Variants in B4GALNT2 observed in about 807,000 individuals in gnomAD.
The protein encoded by B4GALNT2 is beta-1,4-N-acetyl-galactosaminyltransferase 2 (SID blood group), also known as N-acetylneuraminylgalactosylglucosyl-glucoside beta-1,4-N- acetylgalactosaminyltransferase 2.
In B4GALNT2, 42 loss-of-function variants were observed where a neutral mutation model predicts 51.1. The observed-to-expected ratio is 0.82, with a 90% CI of 0.64 to 1.06. B4GALNT2 has a LOEUF of 1.06. Ranked by LOEUF, B4GALNT2 falls within the 50% of genes least tolerant of loss-of-function variation. The pLI is 0.00. For missense variants in B4GALNT2, 602 were observed against 633.6 expected (o/e 0.95, Z 0.54); for synonymous variants, 253 against 251.7 (o/e 1.01, Z -0.05).
In B4GALNT2 at chr17:49,156,494, G is replaced by T. The variant is rs946779451; in HGVS notation, c.461-72G>T. The T allele has an allele frequency of 7.8e-6, 12 of 1,533,452 alleles. No homozygotes were observed. In the African/African-American group the frequency reaches 1.4e-4, roughly 17 times the overall value. 95.0% of individuals were successfully genotyped at this position (1,533,452 alleles called of 1,614,324 possible). On this transcript the variant is annotated intron_variant, in intron 4 of 10. Coordinates refer to ENST00000393354, the MANE Select transcript of B4GALNT2 (RefSeq NM_001159387.2). ...TCAAGGATGTGCAGGAGTCCATGAG[G>T]TTGGCGAGAGCAGCGGGGAGCTGCG...
Position 49,139,730 on chromosome 17 carries a change from G to A in B4GALNT2, c.15-1517G>A, listed in dbSNP as rs369770495. Among the ~76,000 whole-genome samples, 59 of 152,144 alleles carry A rather than the reference G, an allele frequency of 3.9e-4. No individual in the cohort carries two copies. The East Asian group carries it at 7.3e-3, about 19-fold the overall frequency. The stretch of plus-strand genomic sequence containing the variant: ...AGGGTCTTGTTTTGTTGCCCAGGAC[G>A]GTCCTGAACTCCTGGCTTCAAGTGA... On this transcript the variant is annotated intron_variant, in intron 1 of 10. Transcript: ENST00000393354.
intron 5 of B4GALNT2, among the ~76,000 whole-genome samples, chr17:49,158,604 T>G (rs1046373097): frequency 1.6e-5 from 2 of 121,500 alleles, no homozygotes; most frequent in African/African-American, 6.5e-5. Context: ...TGCACTGCAC[T>G]CCAGCCTGGG....
At chr17:49,126,297 G>C in the B4GALNT2 span, among the ~76,000 whole-genome samples, 1 of 151,946 alleles carries the variant, frequency 6.6e-6, no homozygotes, top group Admixed American at 6.6e-5. Context: ...GATGCTTGAC[G>C]GCAGCATGCT....
intron 7 of B4GALNT2, 42 bp from the exon 8 acceptor site, chr17:49,164,046 T>TC (rs749081978): frequency 6.4e-7 from 1 of 1,568,768 alleles, no homozygotes; most frequent in Admixed American, 1.7e-5. Flanking sequence ...CAGTGAAGCT[T>TC]CCTACAGGAC....
the B4GALNT2 span, among the ~76,000 whole-genome samples, chr17:49,121,068 T>C: frequency 6.6e-6 from 1 of 152,150 alleles, no homozygotes; most frequent in African/African-American, 2.4e-5. Flanking sequence ...CCTTTCAACA[T>C]ACATTTATTG....
At chr17:49,152,087 G>A (rs1177651133) in intron 3 of B4GALNT2, among the ~76,000 whole-genome samples, 2 of 151,970 alleles carry the variant, frequency 1.3e-5, no homozygotes, top group Non-Finnish European at 2.9e-5. Context: ...AAAAAAATAT[G>A]CTTTGTTAGC....
intron 3 of B4GALNT2, among the ~76,000 whole-genome samples, chr17:49,142,700 GCAAAAACAAAAACAAAAA>G (rs72099584): frequency 1.3e-5 from 2 of 150,926 alleles, no homozygotes; most frequent in Non-Finnish European, 3.0e-5. Context: ...TCCAACAAAA[GCAAAAACAAAAACAAAAA>G]CAAAAACAAA....
At chr17:49,121,120 T>G in the B4GALNT2 span, among the ~76,000 whole-genome samples, 7 of 152,202 alleles carry the variant, frequency 4.6e-5, no homozygotes, top group Non-Finnish European at 1.0e-4. Context: ...GAAGGGTTAC[T>G]GATCATTTGG....
upstream of B4GALNT2, among the ~76,000 whole-genome samples, chr17:49,128,178 T>G (rs749958903): frequency 1.3e-5 from 2 of 152,156 alleles, no homozygotes; most frequent in Non-Finnish European, 2.9e-5. Context: ...CCTAGGTATG[T>G]TTGATTTGCA....
At chr17:49,148,269 CA>C (rs1383892824) in intron 3 of B4GALNT2, 1 of 295,994 alleles carries the variant, frequency 3.4e-6, no homozygotes, top group Non-Finnish European at 6.6e-6. Flanking sequence ...CGCTGCACTC[CA>C]GCCTGGGCGA....
upstream of B4GALNT2, chr17:49,132,726 G>A: frequency 1.5e-6 from 2 of 1,378,490 alleles, no homozygotes; most frequent in Admixed American, 3.8e-5. Context: ...GTGCCAGGGC[G>A]GGGCAGTCGG....
intron 4 of B4GALNT2, among the ~76,000 whole-genome samples, chr17:49,153,530 G>A (rs147633208): frequency 7.7e-4 from 116 of 150,726 alleles, no homozygotes; most frequent in African/African-American, 2.6e-3. Flanking sequence ...TTATTGCGAC[G>A]GAGTCTTGCT....
chr17:49,129,416 T>C (rs1258927892), upstream of B4GALNT2, among the ~76,000 whole-genome samples: 2 of 152,144 alleles, frequency 1.3e-5, no homozygotes, highest in Non-Finnish European at 2.9e-5. Context: ...ATGGGATGGG[T>C]GGCCAGAGAC....
intron 7 of B4GALNT2, among the ~76,000 whole-genome samples, chr17:49,161,909 A>C (rs1409628629): frequency 6.6e-6 from 1 of 151,808 alleles, no homozygotes; most frequent in African/African-American, 2.4e-5. Context: ...CTTAGGGTAT[A>C]AGGCATGACA....
At chr17:49,150,985 T>C (rs1320498826) in intron 3 of B4GALNT2, among the ~76,000 whole-genome samples, 1 of 152,196 alleles carries the variant, frequency 6.6e-6, no homozygotes, top group African/African-American at 2.4e-5. Flanking sequence ...TTCACTATGA[T>C]GATCTAATCT....
At chr17:49,159,755 CTCGAGG>C (rs2042845383) in intron 6 of B4GALNT2, among the ~76,000 whole-genome samples, 1 of 152,178 alleles carries the variant, frequency 6.6e-6, no homozygotes, top group South Asian at 2.1e-4. Flanking sequence ...CATAGAGCCA[CTCGAGG>C]AGAGAACAAA....
chr17:49,146,692 T>C (rs185532002), intron 3 of B4GALNT2, among the ~76,000 whole-genome samples: 3 of 152,330 alleles, frequency 2.0e-5, no homozygotes, highest in Admixed American at 2.0e-4. Context: ...GTCTAAACAT[T>C]CCTGTCTGAT....
intron 1 of B4GALNT2, among the ~76,000 whole-genome samples, chr17:49,137,812 A>C (rs180974949): frequency 2.0e-3 from 306 of 152,358 alleles, no homozygotes; most frequent in South Asian, 0.014. Context: ...TGGAGATATT[A>C]AAGACATGTG....
At position 49,169,934 on chromosome 17, in the gene B4GALNT2, G is replaced by T. The variant is rs573733690; in HGVS notation, c.*206G>T. 9.6e-5 allele frequency: 46 copies of T among 479,804 alleles called. No homozygotes were observed. Among genetic ancestry groups the T allele is most frequent in the African/African-American group, 8.5e-4 (43 of 50,874 alleles). 29.7% of individuals were successfully genotyped at this position (479,804 alleles called of 1,614,324 possible). On this transcript the variant is annotated 3_prime_UTR_variant, in exon 11 of 11. Transcript: ENST00000393354. The stretch of plus-strand genomic sequence containing the variant: ...GTCACTGACCAGGGCAATGGAGACT[G>T]TATTAATAGCAATGATGATTTGTAC...
Sources: allele counts gnomAD v4.1 joint callset (sites outside exome capture counted in the v4.1 genomes callset), GRCh38; gene constraint gnomAD v4.1.1; transcripts MANE v1.5; gene names NCBI Gene and HGNC (gene_info 2026-07-23, HGNC 2026-07-21).